PBX1: variants seen among roughly 807,000 people sequenced by gnomAD.
PBX1 encodes PBX homeobox 1.
PBX1 carries 6 observed loss-of-function variants against 53.4 expected under a neutral mutation model. The ratio of observed to expected loss-of-function variants is 0.11; its 90% CI spans 0.06 to 0.22. The LOEUF (loss-of-function observed/expected upper bound fraction) is 0.22. Ranked by LOEUF, PBX1 falls within the 10% of genes least tolerant of loss-of-function variation. The probability of loss-of-function intolerance (pLI) is 1.00; values close to 1 mark genes in which losing one functional copy is unlikely to be tolerated. For missense variants in PBX1, 251 were observed against 551.4 expected (o/e 0.46, Z 5.46); for synonymous variants, 204 against 212.3 (o/e 0.96, Z 0.34).
chr1:164,633,853 A>G (rs1035583949), intron 2 of PBX1, among the ~76,000 whole-genome samples: 2 of 152,218 alleles, frequency 1.3e-5, no homozygotes, highest in African/African-American at 4.8e-5. Flanking sequence ...AAGCAATTAA[A>G]ACAGTGCCTG....
intron 2 of PBX1, among the ~76,000 whole-genome samples, chr1:164,719,978 G>T (rs1485443154): frequency 6.6e-6 from 1 of 152,138 alleles, no homozygotes; most frequent in African/African-American, 2.4e-5. Flanking sequence ...TTTTCGTGAA[G>T]CATTATAATC....
intron 2 of PBX1, among the ~76,000 whole-genome samples, chr1:164,596,631 C>G (rs999362238): frequency 1.3e-5 from 2 of 152,100 alleles, no homozygotes; most frequent in Admixed American, 1.3e-4. Flanking sequence ...TTTATTGTAT[C>G]TAGTGGAAAA....
At chr1:164,560,557 C>G (rs1469370314) in intron 1 of PBX1, 1 of 187,060 alleles carries the variant, frequency 5.3e-6, no homozygotes, top group Non-Finnish European at 1.1e-5. Context: ...TTTCTTCCCC[C>G]CCTACCCAAA....
Position 164,751,210 on chromosome 1 carries a change from G to T in PBX1, c.266-41284G>T, listed in dbSNP as rs542537436. 5.3e-5 allele frequency among the ~76,000 whole-genome samples: 8 copies of T among 151,638 alleles called. No homozygotes were observed. In the East Asian group the frequency reaches 1.2e-3, roughly 22 times the overall value. Reference sequence around the variant, plus strand: ...CATGCCTGTAATCCCAGCTACTCGGGAGTCTGAGGTGGGAGAATCGCTTGA... The same window carrying T: ...CATGCCTGTAATCCCAGCTACTCGGTAGTCTGAGGTGGGAGAATCGCTTGA... On this transcript the variant is annotated intron_variant, in intron 2 of 8. Transcript: ENST00000420696.
chr1:164,736,477 G>A (rs547945331), intron 2 of PBX1, among the ~76,000 whole-genome samples: 58 of 152,090 alleles, frequency 3.8e-4, no homozygotes, highest in African/African-American at 4.8e-4. Context: ...ACGCTCTCTC[G>A]TCTCAACCTA....
In PBX1 at chr1:164,559,407, A is replaced by T. The variant is rs1295536997; in HGVS notation, c.-416A>T. The T allele has an allele frequency of 8.5e-6, 2 of 234,272 alleles. No individual in the cohort carries two copies. The highest frequency in any genetic ancestry group is 3.5e-4 in the South Asian group (2 of 5,668). 14.5% of individuals were successfully genotyped at this position (234,272 alleles called of 1,614,324 possible). ...TGCCTTCCTCTCCTTTCTCCCGATC[A>T]ATGCATATTTGCAAAAGGATTAAGC... On this transcript the variant is annotated 5_prime_UTR_variant, in exon 1 of 9. Transcript: ENST00000420696.
In PBX1 at chr1:164,865,369, T is replaced by G. The variant is rs565384156; in HGVS notation, n.258-33819T>G. ...GATTGAGATCCTGAGAGCCTGCAGC[T>G]TCCACCCGAACCAGCTGGATAAGAA... is the stretch of plus-strand genomic sequence containing the variant. On this transcript the variant is annotated intron_variant and non_coding_transcript_variant, in intron 2 of 2. Transcript: ENST00000558796. Among the ~76,000 whole-genome samples the G allele has an allele frequency of 9.8e-4, 149 of 152,324 alleles. 1 individual carries two copies. The highest frequency in any genetic ancestry group is 3.5e-3 in the African/African-American group (144 of 41,568).
At chr1:164,618,300 G>T (rs1015870931) in intron 2 of PBX1, among the ~76,000 whole-genome samples, 5 of 43,706 alleles carry the variant, frequency 1.1e-4, no homozygotes, top group East Asian at 1.5e-3. Context: ...ATCACGGCGG[G>T]GGGGGGGGGG....
chr1:164,643,673 G>C (rs752002496), intron 2 of PBX1, among the ~76,000 whole-genome samples: 9 of 151,958 alleles, frequency 5.9e-5, no homozygotes, highest in Non-Finnish European at 1.2e-4. Flanking sequence ...TGACATGCTG[G>C]GCATACTACT....
chr1:164,811,379 T>C (rs1277243442), intron 5 of PBX1, among the ~76,000 whole-genome samples: 1 of 152,234 alleles, frequency 6.6e-6, no homozygotes, highest in African/African-American at 2.4e-5. Flanking sequence ...GGGATAATCA[T>C]TTGTATGCTA....
chr1:164,626,526 A>G (rs146656803), intron 2 of PBX1, among the ~76,000 whole-genome samples: 1,878 of 152,328 alleles, frequency 0.012, 10 homozygotes, highest in Non-Finnish European at 0.019. Context: ...AGGAAAGGCA[A>G]TGATGTGATC....
chr1:164,806,981 G>A (rs1669385744), intron 4 of PBX1, among the ~76,000 whole-genome samples: 2 of 152,182 alleles, frequency 1.3e-5, no homozygotes, highest in Admixed American at 1.3e-4. Flanking sequence ...AGATGGGGCT[G>A]GGCGCGGTGG....
intron 2 of PBX1, among the ~76,000 whole-genome samples, chr1:164,790,537 C>T (rs1043085676): frequency 6.6e-6 from 1 of 152,004 alleles, no homozygotes; most frequent in African/African-American, 2.4e-5. Context: ...CTCCCTCCTC[C>T]CTCCCTCCTT....
intron 2 of PBX1, among the ~76,000 whole-genome samples, chr1:164,716,709 C>T (rs1482514456): frequency 6.6e-6 from 1 of 150,586 alleles, no homozygotes; most frequent in Non-Finnish European, 1.5e-5. Context: ...CACACACACA[C>T]ACACACACAC....
intron 4 of PBX1, among the ~76,000 whole-genome samples, chr1:164,800,504 G>A (rs796451778): frequency 1.6e-4 from 24 of 152,302 alleles, no homozygotes; most frequent in African/African-American, 5.1e-4. Flanking sequence ...AGAGCATTCA[G>A]TTGAAGAAAC....
chr1:164,570,411 A>G (rs1653765129), intron 2 of PBX1, among the ~76,000 whole-genome samples: 1 of 151,444 alleles, frequency 6.6e-6, no homozygotes, highest in South Asian at 2.1e-4. Context: ...CCCTGTGTCC[A>G]TGTGCTCTCA....
intron 2 of PBX1, among the ~76,000 whole-genome samples, chr1:164,635,571 C>T (rs561007847): frequency 3.9e-5 from 6 of 152,342 alleles, no homozygotes; most frequent in East Asian, 1.9e-4. Context: ...GAGGCGCGCG[C>T]GGGCTGCGCC....
chr1:164,639,938 C>T (rs1292879293), intron 2 of PBX1, among the ~76,000 whole-genome samples: 1 of 151,502 alleles, frequency 6.6e-6, no homozygotes, highest in Non-Finnish European at 1.5e-5. Flanking sequence ...GTTGGGATTA[C>T]AGATATAAGG....
chr1:164,834,306 CTTG>C (rs1044772185), intron 8 of PBX1, among the ~76,000 whole-genome samples: 1 of 149,792 alleles, frequency 6.7e-6, no homozygotes, highest in Non-Finnish European at 1.5e-5. Context: ...CTGTCTTGAT[CTTG>C]TTGTTTAGCC....
Sources: gnomAD v4.1 joint callset for allele counts (sites outside exome capture counted in the v4.1 genomes callset) on GRCh38, gnomAD v4.1.1 for gene constraint, MANE v1.5 for transcripts, NCBI Gene and HGNC (gene_info 2026-07-23, HGNC 2026-07-21) for gene names.